The following IL1RAPL1 variants were observed in gnomAD, a reference collection of about 807,000 sequenced individuals.
The protein encoded by IL1RAPL1 is interleukin 1 receptor accessory protein like 1, also known as interleukin-1 receptor accessory protein-like 1.
In IL1RAPL1, 3 loss-of-function variants were observed where a neutral mutation model predicts 48.4. The observed-to-expected ratio is 0.06, with a 90% confidence interval of 0.03 to 0.16. The LOEUF is 0.16. Among genes scored for constraint, IL1RAPL1 ranks in the 10% least tolerant of loss-of-function variants. IL1RAPL1 has a pLI of 1.00. For missense variants in IL1RAPL1, 349 were observed against 530.6 expected (o/e 0.66, Z 3.36); for synonymous variants, 185 against 187.7 (o/e 0.99, Z 0.12).
At chrX:29,240,216 ATATATATATTTTTTTTTT>A (rs1931389835) in intron 2 of IL1RAPL1, among the ~76,000 whole-genome samples, 3 of 27,050 alleles carry the variant, frequency 1.1e-4, no homozygotes, top group Non-Finnish European at 1.7e-4. Context: ...ATATATATAT[ATATATATATTTTTTTTTT>A]TTTTTTTTTT....
intron 1 of IL1RAPL1, among the ~76,000 whole-genome samples, chrX:28,746,269 A>C (rs906917874): frequency 8.9e-6 from 1 of 111,829 alleles, no homozygotes; most frequent in African/African-American, 3.2e-5. Flanking sequence ...AAATACTAGA[A>C]CTAGTGCTTT....
intron 2 of IL1RAPL1, among the ~76,000 whole-genome samples, chrX:28,960,836 G>A (rs1157503191): frequency 9.2e-6 from 1 of 108,662 alleles, no homozygotes; most frequent in Non-Finnish European, 1.9e-5. Flanking sequence ...GTGAAACCCC[G>A]TCTCTACTAA....
chrX:28,775,639 C>G (rs1018561284), intron 1 of IL1RAPL1, among the ~76,000 whole-genome samples: 2 of 112,738 alleles, frequency 1.8e-5, no homozygotes, highest in African/African-American at 6.4e-5. Flanking sequence ...CTTTTTACTA[C>G]AAATACAATA....
chrX:29,376,056 A>G (rs1002464251), intron 3 of IL1RAPL1, among the ~76,000 whole-genome samples: 1 of 111,592 alleles, frequency 9.0e-6, no homozygotes, highest in African/African-American at 3.3e-5. Context: ...TCTTAGTTTC[A>G]TACAGTTTTC....
chrX:29,138,816 A>ACAT (rs2147490073), intron 2 of IL1RAPL1, among the ~76,000 whole-genome samples: 1 of 109,582 alleles, frequency 9.1e-6, no homozygotes, highest in South Asian at 3.9e-4. Context: ...ACAATGAAAG[A>ACAT]CATTAACAGG....
At chrX:29,570,811 G>C (rs1194182872) in intron 5 of IL1RAPL1, among the ~76,000 whole-genome samples, 2 of 112,491 alleles carry the variant, frequency 1.8e-5, no homozygotes, top group Non-Finnish European at 3.8e-5. Context: ...TGTGATAAGA[G>C]TGTCTAATCT....
chrX:29,595,893 T>C (rs1418957064), intron 5 of IL1RAPL1, among the ~76,000 whole-genome samples: 1 of 111,949 alleles, frequency 8.9e-6, no homozygotes, highest in Non-Finnish European at 1.9e-5. Flanking sequence ...CTTTGATCCA[T>C]CATGAGTTGA....
At chrX:29,196,816 A>G (rs1930452559) in intron 2 of IL1RAPL1, among the ~76,000 whole-genome samples, 1 of 110,405 alleles carries the variant, frequency 9.1e-6, no homozygotes, top group Non-Finnish European at 1.9e-5. Flanking sequence ...GTAAAGGGTA[A>G]TTCTCCATGA....
intron 5 of IL1RAPL1, among the ~76,000 whole-genome samples, chrX:29,621,358 C>T (rs769404405): frequency 9.0e-6 from 1 of 110,739 alleles, no homozygotes; most frequent in East Asian, 2.8e-4. Context: ...TATATGTACA[C>T]ATATATATAG....
chrX:28,724,409 A>T (rs1342516318), intron 1 of IL1RAPL1, among the ~76,000 whole-genome samples: 1 of 110,617 alleles, frequency 9.0e-6, no homozygotes, highest in African/African-American at 3.3e-5. Flanking sequence ...AGAGACTAGG[A>T]TTGCAACCCC....
intron 2 of IL1RAPL1, among the ~76,000 whole-genome samples, chrX:28,993,055 T>G (rs1925647733): frequency 8.9e-6 from 1 of 112,297 alleles, no homozygotes; most frequent in African/African-American, 3.2e-5. Context: ...CTAGGCATGT[T>G]AATTTCCTTG....
intron 6 of IL1RAPL1, among the ~76,000 whole-genome samples, chrX:29,814,951 C>T (rs982447591): frequency 1.8e-5 from 2 of 111,314 alleles, no homozygotes; most frequent in African/African-American, 3.3e-5. Context: ...TGTCTGTTCT[C>T]GTACCAGTAC....
chrX:29,714,269 A>G (rs1298603945), intron 6 of IL1RAPL1, among the ~76,000 whole-genome samples: 1 of 111,769 alleles, frequency 8.9e-6, no homozygotes, highest in East Asian at 2.8e-4. Context: ...AGGGTTGTGC[A>G]CGATTTACAA....
intron 6 of IL1RAPL1, among the ~76,000 whole-genome samples, chrX:29,916,634 A>G (rs1932802226): frequency 8.9e-6 from 1 of 111,941 alleles, no homozygotes; most frequent in Admixed American, 9.6e-5. Flanking sequence ...CAGTTCTGTA[A>G]TGCTGACTGA....
chrX:29,530,569 A>G (rs769088773), intron 5 of IL1RAPL1, among the ~76,000 whole-genome samples: 6 of 111,978 alleles, frequency 5.4e-5, no homozygotes, highest in Admixed American at 9.5e-5. Context: ...GAGCATGCAA[A>G]TTAAATTCTA....
At chrX:29,315,612 A>T in intron 3 of IL1RAPL1, among the ~76,000 whole-genome samples, 1 of 111,878 alleles carries the variant, frequency 8.9e-6, no homozygotes, top group East Asian at 2.8e-4. Flanking sequence ...CAATACCAGT[A>T]GTTAGAAGCC....
At chrX:29,320,058 T>C (rs1168170259) in intron 3 of IL1RAPL1, among the ~76,000 whole-genome samples, 2 of 111,815 alleles carry the variant, frequency 1.8e-5, no homozygotes, top group African/African-American at 3.2e-5. Flanking sequence ...GTATGATTTG[T>C]ATTTTGTTTT....
chrX:29,704,765 C>G, intron 6 of IL1RAPL1, among the ~76,000 whole-genome samples: 1 of 111,935 alleles, frequency 8.9e-6, no homozygotes, highest in Middle Eastern at 4.7e-3. Context: ...CCTTAATGTA[C>G]TATAAGAGAA....
At chrX:29,456,887 CTT>C (rs1324335158) in intron 5 of IL1RAPL1, among the ~76,000 whole-genome samples, 1 of 111,588 alleles carries the variant, frequency 9.0e-6, no homozygotes, top group Non-Finnish European at 1.9e-5. Context: ...AATCCCAACA[CTT>C]TGTGAGGCCC....
Sources: gnomAD v4.1 joint callset for allele counts (sites outside exome capture counted in the v4.1 genomes callset) on GRCh38, gnomAD v4.1.1 for gene constraint, MANE v1.5 for transcripts, NCBI Gene and HGNC (gene_info 2026-07-23, HGNC 2026-07-21) for gene names.